The following DGKI variants were observed in gnomAD, a reference collection of about 807,000 sequenced individuals.
DGKI encodes diacylglycerol kinase iota, also known as DAG kinase iota.
A neutral mutation model predicts 147.5 loss-of-function variants in DGKI; 55 were observed. The ratio of observed to expected loss-of-function variants is 0.37; its 90% confidence interval spans 0.30 to 0.47. DGKI has a LOEUF of 0.47. Ranked by LOEUF, DGKI falls within the 20% of genes least tolerant of loss-of-function variation. DGKI has a pLI of 1.00. For synonymous variants in DGKI, 469 were observed against 477.1 expected, an observed-to-expected ratio of 0.98 and a Z score of 0.22; for missense variants, 1,007 against 1,323.8, an observed-to-expected ratio of 0.76 and a Z score of 3.71.
At chr7:137,515,968 A>G (rs1361799047) in intron 21 of DGKI, among the ~76,000 whole-genome samples, 4 of 152,094 alleles carry the variant, frequency 2.6e-5, no homozygotes, top group Non-Finnish European at 5.9e-5. Context: ...CACACTTGCA[A>G]AAAGGAAGGA....
intron 15 of DGKI, among the ~76,000 whole-genome samples, chr7:137,579,337 T>C (rs834096): frequency 0.018 from 2,764 of 151,864 alleles, 84 homozygotes; most frequent in African/African-American, 0.063. Context: ...CAATTAAAAA[T>C]CTGGTCTTGC....
At chr7:137,486,252 T>C (rs1184121093) in intron 22 of DGKI, among the ~76,000 whole-genome samples, 1 of 152,168 alleles carries the variant, frequency 6.6e-6, no homozygotes, top group Admixed American at 6.5e-5. Context: ...AAGCATGCTA[T>C]TAAGTTAGTT....
rs370818107 is a variant in DGKI at position 137,609,573 on chromosome 7, T to C, written c.1030A>G (p.Thr344Ala). The C allele has an allele frequency of 9.2e-5, 148 of 1,613,590 alleles. No individual in the cohort carries two copies. In the East Asian group the frequency reaches 2.9e-3, roughly 31 times the overall value. The part of the protein sequence containing the change: ...LKASNRKKKR[T>A]SFKRKASKRG... ...TTACTGGCTTTTCTTTTAAAGCTTG[T>C]TCTCTTCTTCTTCCGATTTGAAGCC... Residue 344 changes from threonine (T) to alanine (A), a missense_variant, in exon 9 of 33, where the codon ACA (threonine) becomes GCA (alanine). Transcript: ENST00000614521.
intron 21 of DGKI, among the ~76,000 whole-genome samples, chr7:137,513,083 T>C (rs117746920): frequency 0.01 from 1,552 of 152,310 alleles, 17 homozygotes; most frequent in Non-Finnish European, 0.016. Context: ...CAAACCTTCC[T>C]CTTTTTTTCC....
intron 6 of DGKI, among the ~76,000 whole-genome samples, chr7:137,637,184 C>T (rs913713647): frequency 2.6e-5 from 4 of 152,208 alleles, no homozygotes; most frequent in Admixed American, 6.5e-5. Flanking sequence ...TCAACACCTC[C>T]CTCTACCCAG....
intron 3 of DGKI, among the ~76,000 whole-genome samples, chr7:137,668,791 C>G (rs1184220876): frequency 2.0e-5 from 3 of 152,134 alleles, no homozygotes; most frequent in Non-Finnish European, 4.4e-5. Flanking sequence ...TGTTTCACCT[C>G]ACAAGCTCAG....
At chr7:137,442,788 T>C (rs192651353) in intron 28 of DGKI, among the ~76,000 whole-genome samples, 65 of 152,360 alleles carry the variant, frequency 4.3e-4, no homozygotes, top group African/African-American at 1.4e-3. Context: ...ATTCATTTAA[T>C]AAACACTTTT....
At chr7:137,586,163 A>T (rs531074397) in intron 13 of DGKI, among the ~76,000 whole-genome samples, 4 of 152,246 alleles carry the variant, frequency 2.6e-5, no homozygotes, top group Non-Finnish European at 5.9e-5. Flanking sequence ...GCAGTAACTC[A>T]AGCCTGTAAT....
chr7:137,700,309 A>G (rs1304311222), intron 1 of DGKI, among the ~76,000 whole-genome samples: 1 of 152,214 alleles, frequency 6.6e-6, no homozygotes, highest in Non-Finnish European at 1.5e-5. Flanking sequence ...AAGACCTGCA[A>G]TATAGCTAAA....
At position 137,382,649 on chromosome 7, in the gene DGKI, A is replaced by C. The variant is rs1352526383; in HGVS notation, c.*8571T>G. On this transcript the variant is annotated 3_prime_UTR_variant, in exon 33 of 33. Coordinates refer to ENST00000614521, the MANE Select transcript of DGKI (RefSeq NM_001321708.2). ...ACACTATCAGTTGTTTGAGATTACC[A>C]TGAGAATTTGTGTTACTACTAGGGT... 1 of 152,092 alleles carries C rather than the reference A, an allele frequency of 6.6e-6. No individual in the cohort carries two copies. Among genetic ancestry groups the C allele is most frequent in the Non-Finnish European group, 1.5e-5 (1 of 67,980 alleles). 9.4% of individuals were successfully genotyped at this position (152,092 alleles called of 1,614,324 possible). A position where few individuals can be genotyped will look rare whatever the true frequency, so the allele number is the denominator to read the frequency against.
intron 21 of DGKI, among the ~76,000 whole-genome samples, chr7:137,507,490 T>TA (rs371644465): frequency 9.9e-5 from 15 of 152,004 alleles, no homozygotes; most frequent in South Asian, 6.2e-4. Context: ...GCAACTCACT[T>TA]AAAAAAAATC....
chr7:137,534,983 C>A (rs1428188405), intron 20 of DGKI, among the ~76,000 whole-genome samples: 1 of 152,068 alleles, frequency 6.6e-6, no homozygotes. Context: ...CATATGAAGA[C>A]ATGAGAAGAC....
Position 137,846,400 on chromosome 7 carries a change from GGT to G in DGKI, c.401+60_401+61del, listed in dbSNP as rs1554489079. 2 of 1,161,466 alleles carry G rather than the reference GGT, an allele frequency of 1.7e-6. No homozygotes were observed. The highest frequency in any genetic ancestry group is 4.2e-5 in the African/African-American group (1 of 23,742). The allele number at this position is 1,161,466 out of a possible 1,614,324, so 71.9% of individuals were successfully genotyped here. The stretch of plus-strand genomic sequence containing the variant: ...AACTCCGCGGAAGCGCCCCTTGCTG[GGT>G]AGAAGAGTGGGTCTCCCGCCGCGGC... On this transcript the variant is annotated intron_variant, in intron 1 of 32. Transcript: ENST00000614521. The surrounding 1 kb of genome is among the most constrained non-coding windows in gnomAD (Gnocchi z 4.0).
intron 12 of DGKI, among the ~76,000 whole-genome samples, chr7:137,596,332 G>T (rs536732799): frequency 6.6e-6 from 1 of 152,244 alleles, no homozygotes; most frequent in African/African-American, 2.4e-5. Flanking sequence ...GATAACTATG[G>T]GTATGGTAAA....
chr7:137,655,417 C>T (rs1822183749), intron 4 of DGKI, among the ~76,000 whole-genome samples: 1 of 152,152 alleles, frequency 6.6e-6, no homozygotes, highest in African/African-American at 2.4e-5. Context: ...CCAGGATGGT[C>T]TCCATCTCCT....
rs745381286 is a variant in DGKI, at chr7:137,788,635, TACAC to T, written c.401+57823_401+57826del. Among the ~76,000 whole-genome samples the T allele has an allele frequency of 2.6e-4, 31 of 120,200 alleles. No individual in the cohort carries two copies. In the East Asian group the frequency reaches 3.6e-3, roughly 14 times the overall value. The allele number at this position is 120,200 out of a possible 152,430, so 78.9% of individuals were successfully genotyped here. ...TGCCCTGCATACCCAAACCCATAAA[TACAC>T]ACACACACACACACACACACACACA... On this transcript the variant is annotated intron_variant, in intron 1 of 32. Coordinates refer to ENST00000614521, the MANE Select transcript of DGKI (RefSeq NM_001321708.2).
intron 23 of DGKI, among the ~76,000 whole-genome samples, chr7:137,471,413 A>G (rs899915134): frequency 6.6e-6 from 1 of 152,154 alleles, no homozygotes; most frequent in Non-Finnish European, 1.5e-5. Flanking sequence ...TAAGGACCCA[A>G]TCAGAGGTTG....
rs373674955 is a variant in DGKI, at chr7:137,628,073, C to T, written c.805-4519G>A. Among the ~76,000 whole-genome samples the T allele has an allele frequency of 1.7e-3, 252 of 152,302 alleles. 1 individual carries two copies. Among genetic ancestry groups the T allele is most frequent in the African/African-American group, 5.4e-3 (223 of 41,568 alleles). On this transcript the variant is annotated intron_variant, in intron 6 of 32. Coordinates refer to ENST00000614521, the MANE Select transcript of DGKI (RefSeq NM_001321708.2). Reference sequence around the variant, plus strand: ...TGCCAAGATCTATGAACAAGAATCTCTTCCACCATCTCGCCGAGAAAGCTT... The same window carrying T: ...TGCCAAGATCTATGAACAAGAATCTTTTCCACCATCTCGCCGAGAAAGCTT...
chr7:137,620,017 ACG>A lies in DGKI; in HGVS notation c.877-79_877-78del, dbSNP rs1234973524. On this transcript the variant is annotated intron_variant, in intron 7 of 32. Coordinates refer to ENST00000614521, the MANE Select transcript of DGKI (RefSeq NM_001321708.2). The stretch of plus-strand genomic sequence containing the variant: ...AGCAAGAAGGGATAAATATGTACAC[ACG>A]CACACACACACACACACACACACAC... 7.5e-5 allele frequency: 51 copies of A among 679,324 alleles called. No homozygotes were observed. The African/African-American group carries it at 9.3e-4, about 12-fold the overall frequency. The allele number at this position is 679,324 out of a possible 1,614,324, so 42.1% of individuals were successfully genotyped here.
Sources: gnomAD v4.1 joint callset for allele counts (sites outside exome capture counted in the v4.1 genomes callset) on GRCh38, gnomAD v4.1.1 for gene constraint, Gnocchi (gnomAD v3.1) non-coding constraint, MANE v1.5 for transcripts, NCBI Gene and HGNC (gene_info 2026-07-23, HGNC 2026-07-21) for gene names.